The following KSR2 variants were observed in gnomAD, a reference collection of about 807,000 sequenced individuals.
The protein encoded by KSR2 is kinase suppressor of ras 2.
KSR2 carries 25 observed loss-of-function variants against 107.8 expected under a neutral mutation model. That is an observed-to-expected ratio of 0.23 (90% CI 0.17 to 0.32). KSR2 has a LOEUF of 0.32. Among genes scored for constraint, KSR2 ranks in the 10% least tolerant of loss-of-function variants. The probability of loss-of-function intolerance (pLI) is 1.00; values close to 1 mark genes in which losing one functional copy is unlikely to be tolerated. For synonymous variants in KSR2, 480 were observed against 507.0 expected, an observed-to-expected ratio of 0.95 and a Z score of 0.71; for missense variants, 887 against 1,268.9, an observed-to-expected ratio of 0.70 and a Z score of 4.57.
chr12:117,760,866 T>C, intron 4 of KSR2, 145 bp downstream of exon 4: 1 of 1,029,092 alleles, frequency 9.7e-7, no homozygotes, highest in Non-Finnish European at 1.4e-6. Flanking sequence ...CAGAACCCTC[T>C]GTGAAAAGCC....
chr12:117,669,040 A>G (rs1884790873), intron 4 of KSR2, among the ~76,000 whole-genome samples: 1 of 152,190 alleles, frequency 6.6e-6, no homozygotes, highest in African/African-American at 2.4e-5. Flanking sequence ...TCAAGAGAAG[A>G]GAAAGGGGTG....
At chr12:117,849,164 G>A (rs12314616) in intron 3 of KSR2, among the ~76,000 whole-genome samples, 2,870 of 152,224 alleles carry the variant, frequency 0.019, 87 homozygotes, top group African/African-American at 0.066. Context: ...TATTTAATAT[G>A]ATGACCAGTC....
chr12:117,487,453 G>T (rs574415457), intron 14 of KSR2, among the ~76,000 whole-genome samples: 6 of 152,342 alleles, frequency 3.9e-5, no homozygotes, highest in African/African-American at 1.4e-4. Flanking sequence ...ATGAGTCAGG[G>T]CTGACCCTGC....
rs1199095169 is a variant in KSR2, at chr12:117,464,349, C to CT, written c.*2849dup. On this transcript the variant is annotated 3_prime_UTR_variant, in exon 20 of 20. Transcript: ENST00000339824. The stretch of plus-strand genomic sequence containing the variant: ...GAACAACTCGCTGCTGAGTCAGTGA[C>CT]TTATGTGTACAGGGCACCTGTGTGC... The CT allele has an allele frequency of 2.6e-5, 4 of 152,272 alleles. No homozygotes were observed. Among genetic ancestry groups the CT allele is most frequent in the Non-Finnish European group, 5.9e-5 (4 of 68,060 alleles). The allele number at this position is 152,272 out of a possible 1,614,324, so 9.4% of individuals were successfully genotyped here.
Position 117,628,033 on chromosome 12 carries a change from C to T in KSR2, c.1171+39441G>A, listed in dbSNP as rs142000992. Among the ~76,000 whole-genome samples the T allele has an allele frequency of 7.8e-4, 119 of 152,298 alleles. 1 individual carries two copies. Among genetic ancestry groups the T allele is most frequent in the African/African-American group, 2.6e-3 (108 of 41,568 alleles). On this transcript the variant is annotated intron_variant, in intron 5 of 19. Coordinates refer to ENST00000339824, the MANE Select transcript of KSR2 (RefSeq NM_173598.6). ...GTGCACGCGTCACGAAGTTCTCGTGCCATGGTTTTCAGCTCCATCAGGTCA... is the reference window on the plus strand; with the variant it reads ...GTGCACGCGTCACGAAGTTCTCGTGTCATGGTTTTCAGCTCCATCAGGTCA...
intron 1 of KSR2, among the ~76,000 whole-genome samples, chr12:117,921,308 C>T (rs1444942461): frequency 1.3e-5 from 2 of 152,132 alleles, no homozygotes; most frequent in Non-Finnish European, 2.9e-5. Flanking sequence ...AAATGTCAAC[C>T]ATGGTGGCAT....
chr12:117,755,083 A>G (rs1161901734), intron 4 of KSR2, among the ~76,000 whole-genome samples: 1 of 152,234 alleles, frequency 6.6e-6, no homozygotes, highest in Non-Finnish European at 1.5e-5. Flanking sequence ...TGCACCAAAT[A>G]GCTCTGGAAC....
intron 4 of KSR2, among the ~76,000 whole-genome samples, chr12:117,728,123 G>A (rs886806761): frequency 7.9e-5 from 12 of 152,164 alleles, no homozygotes; most frequent in Non-Finnish European, 1.8e-4. Context: ...TGTCTTGATT[G>A]GGGCAGTGGG....
At position 117,848,282 on chromosome 12, in the gene KSR2, A is replaced by T. The variant is rs1366759452; in HGVS notation, c.472+7146T>A. 2.6e-5 allele frequency among the ~76,000 whole-genome samples: 4 copies of T among 152,354 alleles called. No individual in the cohort carries two copies. In the East Asian group the frequency reaches 5.8e-4, roughly 22 times the overall value. On this transcript the variant is annotated intron_variant, in intron 3 of 19. Coordinates refer to ENST00000339824, the MANE Select transcript of KSR2 (RefSeq NM_173598.6). ...CCGCCAGGCTCTCTTCTGATAAGAC[A>T]GCTGTGGCCCAGGACAGGAAGGTCT...
chr12:117,601,640 C>T (rs7960857), intron 5 of KSR2, among the ~76,000 whole-genome samples: 2 of 152,098 alleles, frequency 1.3e-5, no homozygotes, highest in African/African-American at 2.4e-5. Flanking sequence ...AGGACCCCCC[C>T]CTAGAGCCTT....
intron 5 of KSR2, among the ~76,000 whole-genome samples, chr12:117,622,910 G>A (rs916649057): frequency 7.2e-5 from 11 of 152,188 alleles, no homozygotes; most frequent in Admixed American, 6.5e-4. Context: ...TTGGGTCTGG[G>A]AGAAAGACAA....
intron 1 of KSR2, among the ~76,000 whole-genome samples, chr12:117,861,026 A>T (rs546754724): frequency 2.6e-5 from 4 of 151,998 alleles, no homozygotes; most frequent in Non-Finnish European, 5.9e-5. Flanking sequence ...GCCTGCACAC[A>T]TGCTTTGATC....
intron 9 of KSR2, among the ~76,000 whole-genome samples, chr12:117,546,678 C>T (rs954498414): frequency 3.9e-5 from 6 of 152,124 alleles, no homozygotes; most frequent in Admixed American, 2.6e-4. Flanking sequence ...CTCTGTTATC[C>T]AGACTGTGTA....
chr12:117,918,329 G>A (rs1177800285), intron 1 of KSR2, among the ~76,000 whole-genome samples: 1 of 152,072 alleles, frequency 6.6e-6, no homozygotes, highest in Non-Finnish European at 1.5e-5. Context: ...AGCTCCCACT[G>A]CCCATCACAG....
intron 4 of KSR2, among the ~76,000 whole-genome samples, chr12:117,691,003 G>A (rs911469197): frequency 6.6e-6 from 1 of 152,162 alleles, no homozygotes; most frequent in Non-Finnish European, 1.5e-5. Context: ...TCCGATCACA[G>A]GCAAACAGAT....
rs79185292 is a variant in KSR2, at chr12:117,938,970, C to T, written c.180+29106G>A. Among the ~76,000 whole-genome samples, 1,323 of 149,296 alleles carry T rather than the reference C, an allele frequency of 8.9e-3. 9 individuals are homozygous for T. The highest frequency in any genetic ancestry group is 0.013 in the Non-Finnish European group (856 of 67,494). The stretch of plus-strand genomic sequence containing the variant: ...TCACTGGGAATCAGTCAAGCAGACA[C>T]AGTAAATGCTACCATCTGGGGTCAA... On this transcript the variant is annotated intron_variant, in intron 1 of 19. Coordinates refer to ENST00000339824, the MANE Select transcript of KSR2 (RefSeq NM_173598.6).
In KSR2 at chr12:117,890,493, C is replaced by T. The variant is rs566216575; in HGVS notation, c.181-30062G>A. ...TTAGAATTCTACAGTAGTGCTCTCC[C>T]GAAAACACTGCTTAGAAGTCTAGTC... On this transcript the variant is annotated intron_variant, in intron 1 of 19. Coordinates refer to ENST00000339824, the MANE Select transcript of KSR2 (RefSeq NM_173598.6). Among the ~76,000 whole-genome samples the T allele has an allele frequency of 7.2e-5, 11 of 152,280 alleles. No individual in the cohort carries two copies. In the South Asian group the frequency reaches 1.0e-3, roughly 14 times the overall value.
chr12:117,912,912 A>C (rs953125150), intron 1 of KSR2, among the ~76,000 whole-genome samples: 2 of 152,214 alleles, frequency 1.3e-5, no homozygotes, highest in South Asian at 4.1e-4. Context: ...CTAGTTAAAA[A>C]AGAAACAAAT....
chr12:117,656,445 C>T (rs1306791514), intron 5 of KSR2, among the ~76,000 whole-genome samples: 1 of 152,062 alleles, frequency 6.6e-6, no homozygotes, highest in African/African-American at 2.4e-5. Context: ...CCCCACTAAA[C>T]CTCTACTAAA....
Sources: allele counts gnomAD v4.1 joint callset (sites outside exome capture counted in the v4.1 genomes callset), GRCh38; gene constraint gnomAD v4.1.1; transcripts MANE v1.5; gene names NCBI Gene and HGNC (gene_info 2026-07-23, HGNC 2026-07-21).